The following ABHD12 variants were observed in gnomAD, a reference collection of about 807,000 sequenced individuals.
The protein encoded by ABHD12 is abhydrolase domain containing 12, lysophospholipase.
Under a neutral mutation model 58.3 loss-of-function variants are expected in ABHD12, and 43 were observed. That is an observed-to-expected ratio of 0.74 (90% CI 0.58 to 0.95). The LOEUF is 0.95. ABHD12 is among the 40% of genes least tolerant of loss of function. The pLI is 0.00. For missense variants in ABHD12, 539 were observed against 537.2 expected (o/e 1.00, Z -0.03); for synonymous variants, 219 against 211.2 (o/e 1.04, Z -0.32).
At chr20:25,303,850 C>T (rs1034330202) in intron 10 of ABHD12, among the ~76,000 whole-genome samples, 1 of 152,188 alleles carries the variant, frequency 6.6e-6, no homozygotes, top group African/African-American at 2.4e-5. Flanking sequence ...ATAACTGGCC[C>T]TCGGAATGTC....
intron 1 of ABHD12, chr20:25,339,806 G>A: frequency 8.2e-7 from 1 of 1,216,804 alleles, no homozygotes; most frequent in Non-Finnish European, 1.1e-6. Context: ...CGTAGACCAA[G>A]GACATCAACA....
At chr20:25,312,717 C>A (rs2088876151) in intron 6 of ABHD12, among the ~76,000 whole-genome samples, 1 of 151,746 alleles carries the variant, frequency 6.6e-6, no homozygotes, top group Non-Finnish European at 1.5e-5. Context: ...CGGCCGCCAT[C>A]CCATCTAGGA....
chr20:25,336,403 G>A (rs1239409172), intron 2 of ABHD12, among the ~76,000 whole-genome samples: 2 of 152,030 alleles, frequency 1.3e-5, no homozygotes, highest in East Asian at 3.9e-4. Flanking sequence ...CATTGTAGGT[G>A]CTATGTTTCT....
intron 2 of ABHD12, among the ~76,000 whole-genome samples, chr20:25,333,709 C>T (rs564094701): frequency 2.6e-4 from 39 of 151,968 alleles, no homozygotes; most frequent in African/African-American, 8.7e-4. Context: ...ACAAAAACCA[C>T]ATGATTATCT....
chr20:25,345,378 C>T (rs1234571155), intron 1 of ABHD12, among the ~76,000 whole-genome samples: 2 of 152,118 alleles, frequency 1.3e-5, no homozygotes, highest in African/African-American at 4.8e-5. Context: ...AGCCACCGCG[C>T]CTGGCCGATG....
At chr20:25,336,254 A>G (rs569967764) in intron 2 of ABHD12, among the ~76,000 whole-genome samples, 14 of 152,320 alleles carry the variant, frequency 9.2e-5, no homozygotes, top group African/African-American at 3.4e-4. Context: ...TACGGTGTTA[A>G]CAAGCATTTT....
At chr20:25,374,900 C>T (rs2089943666) in intron 1 of ABHD12, among the ~76,000 whole-genome samples, 1 of 152,200 alleles carries the variant, frequency 6.6e-6, no homozygotes, top group South Asian at 2.1e-4. Context: ...TCATAGTTTC[C>T]TCCCACTCTG....
At chr20:25,357,389 C>T (rs536436586) in intron 1 of ABHD12, among the ~76,000 whole-genome samples, 10 of 152,200 alleles carry the variant, frequency 6.6e-5, no homozygotes, top group South Asian at 2.1e-4. Flanking sequence ...TCTCTCCCCA[C>T]GAATAAGTAG....
chr20:25,323,406 A>C lies in ABHD12; in HGVS notation c.341T>G (p.Leu114Trp). The C allele has an allele frequency of 6.2e-7, 1 of 1,611,670 alleles. No individual in the cohort carries two copies. The highest frequency in any genetic ancestry group is 8.5e-7 in the Non-Finnish European group (1 of 1,177,754). ...NFVRVPYFID[L>W]KKPQDQGLNH... ...CAAACCTTGATCCTGTGGTTTTTTC[A>C]AATCAATGAAATAGGGAACTCTTAC... Residue 114 changes from leucine (L) to tryptophan (W), a missense_variant, in exon 3 of 13, where the codon TTG (leucine) becomes TGG (tryptophan). Coordinates refer to ENST00000339157, the MANE Select transcript of ABHD12 (RefSeq NM_001042472.3).
intron 1 of ABHD12, among the ~76,000 whole-genome samples, chr20:25,372,737 C>T (rs1472536855): frequency 6.6e-6 from 1 of 152,186 alleles, no homozygotes; most frequent in Non-Finnish European, 1.5e-5. Flanking sequence ...TTCCTATTGC[C>T]TAATGTCATG....
chr20:25,337,899 T>C (rs2089399003), intron 2 of ABHD12, among the ~76,000 whole-genome samples: 1 of 152,234 alleles, frequency 6.6e-6, no homozygotes, highest in African/African-American at 2.4e-5. Context: ...AGATGAAAAA[T>C]TCCTAGAAGT....
intron 1 of ABHD12, among the ~76,000 whole-genome samples, chr20:25,350,856 C>G (rs1440085659): frequency 6.6e-6 from 1 of 152,048 alleles, no homozygotes; most frequent in Non-Finnish European, 1.5e-5. Flanking sequence ...ACCTCCTGCT[C>G]TGGGAAGATC....
At chr20:25,368,430 T>A (rs986276325) in intron 1 of ABHD12, 44 of 1,599,408 alleles carry the variant, frequency 2.8e-5, no homozygotes, top group Middle Eastern at 1.6e-4. Context: ...GCAGTGCAGA[T>A]GAAAAACTGG....
chr20:25,368,564 G>C, intron 1 of ABHD12: 1 of 1,404,282 alleles, frequency 7.1e-7, no homozygotes, highest in Non-Finnish European at 1.0e-6. Context: ...GCCATTATGG[G>C]TGTGAAGTCA....
chr20:25,380,814 G>A (rs1312095252), intron 1 of ABHD12, among the ~76,000 whole-genome samples: 1 of 152,044 alleles, frequency 6.6e-6, no homozygotes, highest in Admixed American at 6.6e-5. Flanking sequence ...TCAGGTACAG[G>A]CCCTAACCTC....
At chr20:25,352,520 C>T (rs1285606442) in intron 1 of ABHD12, among the ~76,000 whole-genome samples, 2 of 152,072 alleles carry the variant, frequency 1.3e-5, no homozygotes, top group Non-Finnish European at 2.9e-5. Context: ...GAACTCCTGA[C>T]CTCAGGTGAT....
chr20:25,390,691 T>G lies in ABHD12; in HGVS notation c.13A>C (p.Thr5Pro). Residue 5 changes from threonine (T) to proline (P), a missense_variant, in exon 1 of 13, where the codon ACC becomes CCC. Thr to Pro is a conservative substitution (Grantham distance 38, BLOSUM62 -1). Transcript: ENST00000339157. ...TCATGCTCCAAGGCGACGGGCTCGGTCCGCTTCCTCATCCCGCGGCCGACA... is the reference window on the plus strand; with the variant it reads ...TCATGCTCCAAGGCGACGGGCTCGGGCCGCTTCCTCATCCCGCGGCCGACA... MRKR[T>P]EPVALEHERC... 7.1e-7 allele frequency: 1 copy of G among 1,400,846 alleles called. No individual in the cohort carries two copies. The allele number at this position is 1,400,846 out of a possible 1,614,324, so 86.8% of individuals were successfully genotyped here.
At chr20:25,364,206 A>G (rs1274800477) in intron 1 of ABHD12, among the ~76,000 whole-genome samples, 1 of 152,228 alleles carries the variant, frequency 6.6e-6, no homozygotes, top group East Asian at 1.9e-4. Context: ...AACAAAACAA[A>G]AACTCATGAT....
chr20:25,299,820 A>G (rs1289175902), downstream of ABHD12, among the ~76,000 whole-genome samples: 1 of 152,060 alleles, frequency 6.6e-6, no homozygotes, highest in African/African-American at 2.4e-5. Context: ...GCTGGGGCAC[A>G]CCCTGGCCAG....
Sources: gnomAD v4.1 joint callset for allele counts (sites outside exome capture counted in the v4.1 genomes callset) on GRCh38, gnomAD v4.1.1 for gene constraint, MANE v1.5 for transcripts, NCBI Gene and HGNC (gene_info 2026-07-23, HGNC 2026-07-21) for gene names.